Variants in PRMT8 observed in about 807,000 individuals in gnomAD.
The protein encoded by PRMT8 is protein arginine methyltransferase 8.
A neutral mutation model predicts 47.1 loss-of-function variants in PRMT8; 7 were observed. The ratio of observed to expected loss-of-function variants is 0.15; its 90% CI spans 0.08 to 0.28. PRMT8 has a LOEUF of 0.28. Among genes scored for constraint, PRMT8 ranks in the 10% least tolerant of loss-of-function variants. PRMT8 has a pLI of 1.00. For missense variants in PRMT8, 237 were observed against 505.4 expected, an observed-to-expected ratio of 0.47 and a Z score of 5.09; for synonymous variants, 188 against 186.5, an observed-to-expected ratio of 1.01 and a Z score of -0.07.
intron 1 of PRMT8, among the ~76,000 whole-genome samples, chr12:3,506,097 T>C (rs947887563): frequency 6.6e-6 from 1 of 152,108 alleles, no homozygotes; most frequent in Admixed American, 6.6e-5. Flanking sequence ...CTGGGGTTAG[T>C]GTGGGGCTGC....
upstream of PRMT8, among the ~76,000 whole-genome samples, chr12:3,486,387 C>T (rs1463045372): frequency 2.0e-5 from 3 of 152,162 alleles, no homozygotes; most frequent in Admixed American, 1.3e-4. Flanking sequence ...TTAACCAACT[C>T]TTCCTGGAAG....
At chr12:3,497,797 T>A (rs1208684681) in intron 1 of PRMT8, among the ~76,000 whole-genome samples, 3 of 152,240 alleles carry the variant, frequency 2.0e-5, no homozygotes, top group Non-Finnish European at 4.4e-5. Context: ...AGTGTAATTT[T>A]ATATTGAGCA....
chr12:3,407,570 A>G (rs1422046425), intron 1 of PRMT8, among the ~76,000 whole-genome samples: 1 of 151,972 alleles, frequency 6.6e-6, no homozygotes, highest in Non-Finnish European at 1.5e-5. Flanking sequence ...ACTTTTGACT[A>G]TTTGATTATA....
At chr12:3,398,080 G>A (rs534888466) in intron 1 of PRMT8, among the ~76,000 whole-genome samples, 2 of 152,248 alleles carry the variant, frequency 1.3e-5, no homozygotes, top group South Asian at 2.1e-4. Flanking sequence ...CACGGTGCGC[G>A]CACCCACTGA....
chr12:3,485,111 G>A (rs564687604), intron 1 of PRMT8, among the ~76,000 whole-genome samples: 37 of 152,146 alleles, frequency 2.4e-4, no homozygotes, highest in South Asian at 4.1e-4. Context: ...TAAGTTTTTC[G>A]GATCACAGTA....
chr12:3,396,279 GGTTA>G (rs1864248007), intron 1 of PRMT8, among the ~76,000 whole-genome samples: 1 of 151,794 alleles, frequency 6.6e-6, no homozygotes, highest in African/African-American at 2.4e-5. Flanking sequence ...TTATTTTGCT[GGTTA>G]GTTGATGCAG....
At chr12:3,498,472 AT>A (rs1459347772) in intron 1 of PRMT8, among the ~76,000 whole-genome samples, 1 of 152,156 alleles carries the variant, frequency 6.6e-6, no homozygotes, top group Non-Finnish European at 1.5e-5. Context: ...TTCCACCGCC[AT>A]CTTGCCATCC....
chr12:3,536,402 C>T (rs750339851), intron 1 of PRMT8, among the ~76,000 whole-genome samples: 8 of 152,158 alleles, frequency 5.3e-5, no homozygotes, highest in Non-Finnish European at 8.8e-5. Context: ...GCATGGCACA[C>T]GGCAGACACT....
At chr12:3,421,604 GA>G (rs1458231467) in intron 1 of PRMT8, among the ~76,000 whole-genome samples, 1 of 152,166 alleles carries the variant, frequency 6.6e-6, no homozygotes, top group Non-Finnish European at 1.5e-5. Flanking sequence ...GGCCACTTTG[GA>G]AAACTTTGAG....
At chr12:3,544,908 C>T (rs906710712) in intron 2 of PRMT8, among the ~76,000 whole-genome samples, 12 of 152,276 alleles carry the variant, frequency 7.9e-5, no homozygotes, top group Admixed American at 4.6e-4. Context: ...ACAGGCTCTC[C>T]GGGGGTACTC....
chr12:3,427,490 AT>A (rs1466375440), intron 1 of PRMT8, among the ~76,000 whole-genome samples: 1 of 152,136 alleles, frequency 6.6e-6, no homozygotes, highest in Admixed American at 6.5e-5. Context: ...TCAAAACAAA[AT>A]TTTTTAACCA....
intron 1 of PRMT8, among the ~76,000 whole-genome samples, chr12:3,537,269 G>T (rs1281252793): frequency 6.6e-6 from 1 of 152,166 alleles, no homozygotes; most frequent in Non-Finnish European, 1.5e-5. Flanking sequence ...TTCTAATGAG[G>T]TTAAACATTT....
At chr12:3,591,539 C>T (rs768220873) in intron 8 of PRMT8, among the ~76,000 whole-genome samples, 3 of 151,720 alleles carry the variant, frequency 2.0e-5, no homozygotes, top group Non-Finnish European at 4.4e-5. Context: ...GCTTCAGCCT[C>T]CTGAGTAGCT....
chr12:3,396,407 G>C (rs1203939737), intron 1 of PRMT8, among the ~76,000 whole-genome samples: 1 of 152,146 alleles, frequency 6.6e-6, no homozygotes, highest in South Asian at 2.1e-4. Context: ...GGGCAGGCCT[G>C]GTGGTAACAA....
At chr12:3,459,106 AT>A (rs1278110913) in intron 1 of PRMT8, among the ~76,000 whole-genome samples, 1 of 152,162 alleles carries the variant, frequency 6.6e-6, no homozygotes, top group East Asian at 1.9e-4. Context: ...AGATTCCTTC[AT>A]CCCCCAAACT....
At chr12:3,429,219 A>G (rs1293586165) in intron 1 of PRMT8, among the ~76,000 whole-genome samples, 1 of 152,184 alleles carries the variant, frequency 6.6e-6, no homozygotes, top group Non-Finnish European at 1.5e-5. Flanking sequence ...CCTGGCTTAC[A>G]GGTTACCTTG....
chr12:3,554,121 C>T (rs947558901), intron 4 of PRMT8, among the ~76,000 whole-genome samples: 32 of 152,360 alleles, frequency 2.1e-4, no homozygotes, highest in African/African-American at 6.5e-4. Flanking sequence ...ATGGCAGACC[C>T]CAGGCTGTGG....
chr12:3,540,893 G>A, intron 2 of PRMT8, 102 bp downstream of exon 2: 1 of 1,326,014 alleles, frequency 7.5e-7, no homozygotes, highest in Non-Finnish European at 1.1e-6. Flanking sequence ...CATGGTAAAG[G>A]GAGTGCTCCC....
intron 4 of PRMT8, among the ~76,000 whole-genome samples, chr12:3,559,387 C>T (rs751484524): frequency 3.9e-5 from 6 of 152,098 alleles, no homozygotes; most frequent in Non-Finnish European, 8.8e-5. Context: ...GCTAGATGCT[C>T]GTTGATTTTA....
Sources: gnomAD v4.1 joint callset for allele counts (sites outside exome capture counted in the v4.1 genomes callset) on GRCh38, gnomAD v4.1.1 for gene constraint, MANE v1.5 for transcripts, NCBI Gene and HGNC (gene_info 2026-07-23, HGNC 2026-07-21) for gene names.